The following SPOCK3 variants were observed in gnomAD, a reference collection of about 807,000 sequenced individuals.
The protein encoded by SPOCK3 is testican-3.
A neutral mutation model predicts 56.6 loss-of-function variants in SPOCK3; 30 were observed. The observed-to-expected ratio is 0.53, with a 90% CI of 0.40 to 0.72. SPOCK3 has a LOEUF of 0.72. Ranked by LOEUF, SPOCK3 falls within the 30% of genes least tolerant of loss-of-function variation. The probability of loss-of-function intolerance (pLI) is 0.00; values close to 1 mark genes in which losing one functional copy is unlikely to be tolerated. For missense variants in SPOCK3, 527 were observed against 530.0 expected (o/e 0.99, Z 0.06); for synonymous variants, 196 against 183.3 (o/e 1.07, Z -0.56).
intron 6 of SPOCK3, among the ~76,000 whole-genome samples, chr4:166,848,951 A>G (rs1748387412): frequency 6.6e-6 from 1 of 152,168 alleles, no homozygotes; most frequent in African/African-American, 2.4e-5. Context: ...ATTTACCAAC[A>G]CCATGGGCAT....
At chr4:166,904,806 A>G (rs893052967) in intron 5 of SPOCK3, among the ~76,000 whole-genome samples, 3 of 152,036 alleles carry the variant, frequency 2.0e-5, no homozygotes, top group Non-Finnish European at 2.9e-5. Flanking sequence ...GTTGAAATAT[A>G]TATGGTTTCT....
intron 5 of SPOCK3, among the ~76,000 whole-genome samples, chr4:166,902,154 T>A (rs890932080): frequency 1.3e-5 from 2 of 152,176 alleles, no homozygotes; most frequent in Non-Finnish European, 2.9e-5. Context: ...ATTTTAAAAA[T>A]TTTCTTTCAA....
chr4:166,845,780 G>A (rs1198140466), intron 6 of SPOCK3, among the ~76,000 whole-genome samples: 1 of 152,244 alleles, frequency 6.6e-6, no homozygotes, highest in Non-Finnish European at 1.5e-5. Flanking sequence ...ATTACTTTAA[G>A]ATGCAATAAA....
intron 9 of SPOCK3, among the ~76,000 whole-genome samples, chr4:166,739,864 G>A (rs1041155996): frequency 7.9e-5 from 12 of 152,002 alleles, no homozygotes; most frequent in African/African-American, 2.4e-4. Flanking sequence ...GATTAACTTA[G>A]TTTAAAAAAC....
intron 5 of SPOCK3, among the ~76,000 whole-genome samples, chr4:166,891,069 T>C (rs1275637840): frequency 6.6e-6 from 1 of 152,018 alleles, no homozygotes; most frequent in Non-Finnish European, 1.5e-5. Context: ...AGATTAGGAT[T>C]GCAACCCCTT....
At chr4:167,078,369 T>TGTGTGTGTGTGTGTG (rs1580222176) in intron 2 of SPOCK3, among the ~76,000 whole-genome samples, 1 of 101,960 alleles carries the variant, frequency 9.8e-6, no homozygotes, top group East Asian at 2.7e-4. Context: ...TGTGTGTGTG[T>TGTGTGTGTGTGTGTG]TTGCAGAGGG....
At position 166,733,979 on chromosome 4, in the gene SPOCK3, A is replaced by C. The variant is rs1490515285; in HGVS notation, c.*942T>G. The C allele has an allele frequency of 1.3e-5, 2 of 152,250 alleles. No homozygotes were observed. The highest frequency in any genetic ancestry group is 3.0e-5 in the Non-Finnish European group (2 of 67,770). The allele number at this position is 152,250 out of a possible 1,614,324, so 9.4% of individuals were successfully genotyped here. A position where few individuals can be genotyped will look rare whatever the true frequency, so the allele number is the denominator to read the frequency against. On this transcript the variant is annotated 3_prime_UTR_variant, in exon 11 of 11. Transcript: ENST00000357545. ...AATAAGTTCTCTAAGTTTCCACACT[A>C]CTAACAAAAATAACATAATTCTAAG...
chr4:166,876,403 A>C (rs2126963994), intron 6 of SPOCK3, among the ~76,000 whole-genome samples: 1 of 152,344 alleles, frequency 6.6e-6, no homozygotes, highest in South Asian at 2.1e-4. Context: ...GCTCCGTGGA[A>C]GAGAGTTAAG....
chr4:166,901,468 G>T (rs1012315446), intron 5 of SPOCK3, among the ~76,000 whole-genome samples: 10 of 152,094 alleles, frequency 6.6e-5, no homozygotes, highest in African/African-American at 2.2e-4. Flanking sequence ...TATGCAATTA[G>T]AAAAGTTGAT....
chr4:166,964,246 C>T (rs181414187), intron 4 of SPOCK3, among the ~76,000 whole-genome samples: 150 of 151,714 alleles, frequency 9.9e-4, no homozygotes, highest in African/African-American at 3.5e-3. Flanking sequence ...TTCATTTCTT[C>T]CTATCAGTAT....
intron 2 of SPOCK3, among the ~76,000 whole-genome samples, chr4:167,225,577 G>A (rs1736511884): frequency 6.6e-6 from 1 of 151,838 alleles, no homozygotes; most frequent in South Asian, 2.1e-4. Context: ...ATCATCCCTT[G>A]TAATATAATC....
At chr4:166,815,376 A>C (rs1579307336) in intron 6 of SPOCK3, among the ~76,000 whole-genome samples, 1 of 152,246 alleles carries the variant, frequency 6.6e-6, no homozygotes, top group East Asian at 1.9e-4. Flanking sequence ...TGACCTTATT[A>C]GTAGTGGAAA....
At chr4:166,943,816 A>C (rs1469103006) in intron 4 of SPOCK3, among the ~76,000 whole-genome samples, 2 of 152,178 alleles carry the variant, frequency 1.3e-5, no homozygotes, top group South Asian at 2.1e-4. Flanking sequence ...TTAAAACATT[A>C]TATGATACAT....
intron 3 of SPOCK3, chr4:167,011,153 T>C (rs1750011304): frequency 2.7e-6 from 1 of 376,782 alleles, no homozygotes; most frequent in Non-Finnish European, 5.4e-6. Context: ...TAAGGGTTCT[T>C]GAGAGCTGCA....
At chr4:166,961,297 T>C (rs1021236476) in intron 4 of SPOCK3, among the ~76,000 whole-genome samples, 1 of 151,756 alleles carries the variant, frequency 6.6e-6, no homozygotes, top group South Asian at 2.1e-4. Flanking sequence ...ATAGAATACA[T>C]TTGCAGCCAT....
chr4:166,990,203 A>G (rs1007077708), intron 4 of SPOCK3, among the ~76,000 whole-genome samples: 3 of 152,202 alleles, frequency 2.0e-5, no homozygotes, highest in Non-Finnish European at 4.4e-5. Flanking sequence ...CTCTCTGCCC[A>G]AAACTGAATA....
chr4:166,925,676 A>T (rs1561016374), intron 4 of SPOCK3, among the ~76,000 whole-genome samples: 1 of 150,070 alleles, frequency 6.7e-6, no homozygotes, highest in African/African-American at 2.4e-5. Flanking sequence ...TCCAAGGTAA[A>T]TTTTTTTTTT....
intron 2 of SPOCK3, among the ~76,000 whole-genome samples, chr4:167,094,667 T>C (rs1447185609): frequency 6.6e-6 from 1 of 152,146 alleles, no homozygotes; most frequent in African/African-American, 2.4e-5. Flanking sequence ...CGAGAGTTAG[T>C]ATTATACTTA....
chr4:167,032,592 G>A (rs1752374377), intron 3 of SPOCK3, among the ~76,000 whole-genome samples: 1 of 151,746 alleles, frequency 6.6e-6, no homozygotes, highest in Non-Finnish European at 1.5e-5. Flanking sequence ...GTTAATGATT[G>A]CTAACTGACT....
Sources: gnomAD v4.1 joint callset for allele counts (sites outside exome capture counted in the v4.1 genomes callset) on GRCh38, gnomAD v4.1.1 for gene constraint, MANE v1.5 for transcripts, NCBI Gene and HGNC (gene_info 2026-07-23, HGNC 2026-07-21) for gene names.